KITLG: variants seen among roughly 807,000 people sequenced by gnomAD.
KITLG encodes the protein KIT ligand.
Under a neutral mutation model 34.1 loss-of-function variants are expected in KITLG, and 13 were observed. The observed-to-expected ratio is 0.38, with a 90% CI of 0.25 to 0.61. The LOEUF is 0.61. Ranked by LOEUF, KITLG falls within the 20% of genes least tolerant of loss-of-function variation. KITLG has a pLI of 0.60. For synonymous variants in KITLG, 110 were observed against 104.0 expected (o/e 1.06, Z -0.35); for missense variants, 292 against 318.9 (o/e 0.92, Z 0.64).
chr12:88,575,015 G>A (rs1871784070), intron 1 of KITLG, among the ~76,000 whole-genome samples: 1 of 152,136 alleles, frequency 6.6e-6, no homozygotes, highest in Admixed American at 6.6e-5. Context: ...ATAAAACAAT[G>A]GTTATAATGT....
At chr12:88,497,796 T>C (rs934192226) in intron 9 of KITLG, among the ~76,000 whole-genome samples, 6 of 152,154 alleles carry the variant, frequency 3.9e-5, no homozygotes, top group African/African-American at 7.2e-5. Flanking sequence ...TAGCCTCACA[T>C]GGCCACTGAG....
chr12:88,501,069 C>T (rs1002708882), intron 9 of KITLG, among the ~76,000 whole-genome samples: 1 of 152,150 alleles, frequency 6.6e-6, no homozygotes, highest in African/African-American at 2.4e-5. Flanking sequence ...AATGAGCTAC[C>T]ACTCCTGGCC....
rs910625768 is a variant in KITLG, at chr12:88,493,651, C to A, written c.*3568G>T. On this transcript the variant is annotated 3_prime_UTR_variant, in exon 10 of 10. Coordinates refer to ENST00000644744, the MANE Select transcript of KITLG (RefSeq NM_000899.5). ...CCTTTATAAATTGATTCTAAAATAT[C>A]TTTTGGCATTCAAAACCTTCATGAG... is the stretch of plus-strand genomic sequence containing the variant. The A allele has an allele frequency of 6.6e-6, 1 of 151,872 alleles. No homozygotes were observed. The allele number at this position is 151,872 out of a possible 1,614,324, so 9.4% of individuals were successfully genotyped here. A position where few individuals can be genotyped will look rare whatever the true frequency, so the allele number is the denominator to read the frequency against.
In KITLG at chr12:88,515,543, T is replaced by C; in HGVS notation, c.595A>G (p.Ser199Gly). 1 of 1,606,316 alleles carries C rather than the reference T, an allele frequency of 6.2e-7. No individual in the cohort carries two copies. The highest frequency in any genetic ancestry group is 1.1e-5 in the South Asian group (1 of 90,938). ...AASSLRNDSS[S>G]SNRKAKNPPG... ...AGATATATGTACTTACTATTACTGC[T>C]ACTGCTGTCATTCCTAAGGGAGCTG... The change falls in exon 6 of 10, where the codon AGC becomes GGC. Residue 199 changes from serine (S) to glycine (G), a missense_variant. This residue lies in a region of KITLG where 140 missense variants were observed against 111.0 expected (regional missense o/e 1.26). Transcript: ENST00000644744.
At position 88,580,328 on chromosome 12, in the gene KITLG, G is replaced by C; in HGVS notation, c.-50C>G. 6.2e-7 allele frequency: 1 copy of C among 1,606,674 alleles called. No individual in the cohort carries two copies. The highest frequency in any genetic ancestry group is 8.5e-7 in the Non-Finnish European group (1 of 1,176,002). ...GCACAAACAGTGGTGTGGCGACTCC[G>C]TTTAGCTGTTCTGGAGCTCCAGCAT... On this transcript the variant is annotated 5_prime_UTR_variant, in exon 1 of 10. Coordinates refer to ENST00000644744, the MANE Select transcript of KITLG (RefSeq NM_000899.5).
At chr12:88,577,742 T>C (rs966509287) in intron 1 of KITLG, among the ~76,000 whole-genome samples, 16 of 152,206 alleles carry the variant, frequency 1.1e-4, no homozygotes, top group Admixed American at 6.5e-5. Flanking sequence ...ACCAACATGC[T>C]AAATGAATGA....
chr12:88,544,135 T>C (rs548936111), intron 2 of KITLG, among the ~76,000 whole-genome samples: 16 of 152,204 alleles, frequency 1.1e-4, no homozygotes, highest in Admixed American at 9.2e-4. Context: ...TTAGTATGGT[T>C]CCTCTTCCCT....
intron 1 of KITLG, among the ~76,000 whole-genome samples, chr12:88,566,507 G>A (rs1871448158): frequency 6.6e-6 from 1 of 152,148 alleles, no homozygotes; most frequent in African/African-American, 2.4e-5. Flanking sequence ...TAGGGAGAGG[G>A]GCTGAGGAAA....
intron 4 of KITLG, among the ~76,000 whole-genome samples, chr12:88,517,476 C>G (rs977462707): frequency 6.6e-5 from 10 of 152,170 alleles, no homozygotes; most frequent in Admixed American, 1.3e-4. Context: ...GGGTTCCCAC[C>G]AAAGTGCCAT....
chr12:88,541,722 T>C (rs1021749021), intron 2 of KITLG, among the ~76,000 whole-genome samples: 31 of 152,236 alleles, frequency 2.0e-4, no homozygotes, highest in African/African-American at 7.5e-4. Flanking sequence ...GTTCTGTAAA[T>C]AGATGAACTA....
At position 88,524,908 on chromosome 12, in the gene KITLG, G is replaced by A. The variant is rs1869808214; in HGVS notation, c.193-6041C>T. ...TTTGGCTGACGTCTATTTTTATAGA[G>A]AGAATGCCGCATCATAGGAGTGGAG... On this transcript the variant is annotated intron_variant, in intron 3 of 9. Coordinates refer to ENST00000644744, the MANE Select transcript of KITLG (RefSeq NM_000899.5). 2.0e-5 allele frequency among the ~76,000 whole-genome samples: 3 copies of A among 152,144 alleles called. No homozygotes were observed. In the South Asian group the frequency reaches 6.2e-4, roughly 31 times the overall value.
intron 1 of KITLG, among the ~76,000 whole-genome samples, chr12:88,571,834 G>C (rs1166882083): frequency 6.6e-6 from 1 of 152,108 alleles, no homozygotes; most frequent in African/African-American, 2.4e-5. Context: ...TATTAAATAA[G>C]CCACACTAAT....
chr12:88,567,026 G>A (rs1393206921), intron 1 of KITLG, among the ~76,000 whole-genome samples: 3 of 152,146 alleles, frequency 2.0e-5, no homozygotes, highest in Non-Finnish European at 2.9e-5. Flanking sequence ...AGGGAAAAGT[G>A]CAAAAGGAAT....
At chr12:88,527,355 A>G (rs186697862) in intron 3 of KITLG, among the ~76,000 whole-genome samples, 2 of 152,350 alleles carry the variant, frequency 1.3e-5, no homozygotes, top group Non-Finnish European at 2.9e-5. Flanking sequence ...ATCAAAGAAA[A>G]TGGAAAGAGC....
At chr12:88,524,442 G>A (rs964864026) in intron 3 of KITLG, among the ~76,000 whole-genome samples, 1 of 152,248 alleles carries the variant, frequency 6.6e-6, no homozygotes, top group African/African-American at 2.4e-5. Flanking sequence ...TGTTGCAGAT[G>A]TAAAACACAC....
intron 3 of KITLG, among the ~76,000 whole-genome samples, chr12:88,531,572 G>A (rs148313215): frequency 7.9e-5 from 12 of 152,106 alleles, no homozygotes; most frequent in Admixed American, 2.0e-4. Flanking sequence ...CAGCAACAGA[G>A]TAGTACTTAT....
chr12:88,570,996 A>G (rs1357059985), intron 1 of KITLG, among the ~76,000 whole-genome samples: 1 of 152,224 alleles, frequency 6.6e-6, no homozygotes, highest in Non-Finnish European at 1.5e-5. Context: ...AAAGAAGATA[A>G]AATTGGGAAA....
intron 9 of KITLG, among the ~76,000 whole-genome samples, chr12:88,498,938 A>G (rs1868749085): frequency 1.3e-5 from 2 of 152,188 alleles, no homozygotes; most frequent in Admixed American, 6.5e-5. Flanking sequence ...TTGGAAATCT[A>G]TTTTTGATTT....
chr12:88,536,361 G>A (rs1167882758), intron 2 of KITLG, among the ~76,000 whole-genome samples: 1 of 151,874 alleles, frequency 6.6e-6, no homozygotes, highest in East Asian at 1.9e-4. Context: ...CATCTCATAG[G>A]GGTTAGAATG....
Sources: allele counts gnomAD v4.1 joint callset (sites outside exome capture counted in the v4.1 genomes callset), GRCh38; gene constraint gnomAD v4.1.1; regional missense constraint gnomAD v4.1.1; transcripts MANE v1.5; gene names NCBI Gene and HGNC (gene_info 2026-07-23, HGNC 2026-07-21).